Variants in SDK1 observed in about 807,000 individuals in gnomAD.
The protein encoded by SDK1 is sidekick cell adhesion molecule 1.
SDK1 carries 157 observed loss-of-function variants against 245.5 expected under a neutral mutation model. The ratio of observed to expected loss-of-function variants is 0.64; its 90% CI spans 0.56 to 0.73. SDK1 has a LOEUF of 0.73. Ranked by LOEUF, SDK1 falls within the 30% of genes least tolerant of loss-of-function variation. The probability of loss-of-function intolerance (pLI) is 0.00; values close to 1 mark genes in which losing one functional copy is unlikely to be tolerated. For synonymous variants in SDK1, 1,647 were observed against 1,278.5 expected (o/e 1.29, Z -6.15); for missense variants, 3,583 against 3,002.3 (o/e 1.19, Z -4.52).
At chr7:3,565,789 A>G (rs546112553) in intron 1 of SDK1, among the ~76,000 whole-genome samples, 1 of 152,206 alleles carries the variant, frequency 6.6e-6, no homozygotes, top group African/African-American at 2.4e-5. Flanking sequence ...AGTAGTTGTT[A>G]TATTGTTCAG....
chr7:3,861,325 G>T (rs1265144796), intron 5 of SDK1, among the ~76,000 whole-genome samples: 1 of 152,214 alleles, frequency 6.6e-6, no homozygotes, highest in Non-Finnish European at 1.5e-5. Flanking sequence ...AGTCATCTAT[G>T]TATTTGTTTA....
At chr7:4,037,160 C>G (rs1452364040) in intron 17 of SDK1, among the ~76,000 whole-genome samples, 2 of 152,212 alleles carry the variant, frequency 1.3e-5, no homozygotes, top group Non-Finnish European at 2.9e-5. Context: ...TTAAACGTTT[C>G]TGCTTTTGAA....
chr7:3,654,232 A>C (rs1013241510), intron 4 of SDK1, among the ~76,000 whole-genome samples: 2 of 152,132 alleles, frequency 1.3e-5, no homozygotes, highest in Admixed American at 1.3e-4. Context: ...TGTTGTTCTC[A>C]CCACATCCAG....
chr7:3,311,675 G>A (rs1034112535), intron 1 of SDK1, among the ~76,000 whole-genome samples: 1 of 152,138 alleles, frequency 6.6e-6, no homozygotes, highest in Non-Finnish European at 1.5e-5. Flanking sequence ...GCGACTCGTG[G>A]AGGCTTCTAG....
intron 1 of SDK1, among the ~76,000 whole-genome samples, chr7:3,616,364 C>T (rs1009896311): frequency 6.6e-6 from 1 of 152,244 alleles, no homozygotes; most frequent in East Asian, 1.9e-4. Context: ...ACGTGTGGCC[C>T]TGCCTGCAAG....
intron 28 of SDK1, among the ~76,000 whole-genome samples, chr7:4,135,123 C>T (rs200627162): frequency 5.3e-5 from 8 of 152,336 alleles, no homozygotes; most frequent in South Asian, 4.1e-4. Context: ...TATCATCTGT[C>T]GTTTACTTTC....
chr7:3,400,131 C>T lies in SDK1; in HGVS notation c.298+98247C>T, dbSNP rs551364555. 4.0e-5 allele frequency among the ~76,000 whole-genome samples: 6 copies of T among 151,732 alleles called. No individual in the cohort carries two copies. In the South Asian group the frequency reaches 1.2e-3, roughly 32 times the overall value. ...CTGGGTCTGCTCCCTCTGGTGGCTA[C>T]AGGACTACACATTTTCACATTGTTA... On this transcript the variant is annotated intron_variant, in intron 1 of 44. Transcript: ENST00000404826.
chr7:3,528,782 AT>A (rs1783240191), intron 1 of SDK1, among the ~76,000 whole-genome samples: 1 of 151,996 alleles, frequency 6.6e-6, no homozygotes, highest in Non-Finnish European at 1.5e-5. Flanking sequence ...GCCCTGAGCA[AT>A]GGGGTGAATT....
At chr7:3,537,527 G>T (rs1778922736) in intron 1 of SDK1, among the ~76,000 whole-genome samples, 1 of 152,126 alleles carries the variant, frequency 6.6e-6, no homozygotes, top group African/African-American at 2.4e-5. Flanking sequence ...CTCATATATG[G>T]ATTCTCCATT....
rs541881681 is a variant in SDK1, at chr7:4,109,899, C to G, written c.3325-764C>G. ...AGGGAGATGGTGTGGAGCTCCCAGA[C>G]AGGGAGTAAAATTAGCACGAGACAG... On this transcript the variant is annotated intron_variant, in intron 22 of 44. Coordinates refer to ENST00000404826, the MANE Select transcript of SDK1 (RefSeq NM_152744.4). Among the ~76,000 whole-genome samples the G allele has an allele frequency of 2.5e-3, 385 of 152,146 alleles. 2 individuals carry two copies. The highest frequency in any genetic ancestry group is 4.4e-3 in the South Asian group (21 of 4,820).
At chr7:4,260,838 A>G (rs28524994) in intron 44 of SDK1, among the ~76,000 whole-genome samples, 40,586 of 84,142 alleles carry the variant, frequency 0.48, 7,110 homozygotes, top group African/African-American at 0.58. Context: ...GGGTCTCTGC[A>G]TGTGTGGGAG....
intron 1 of SDK1, among the ~76,000 whole-genome samples, chr7:3,354,914 C>A (rs1253479548): frequency 1.3e-5 from 2 of 152,188 alleles, no homozygotes; most frequent in Non-Finnish European, 2.9e-5. Flanking sequence ...ACAATAGATG[C>A]TTAAAATAAT....
At chr7:3,557,199 A>C (rs1194615065) in intron 1 of SDK1, among the ~76,000 whole-genome samples, 3 of 152,254 alleles carry the variant, frequency 2.0e-5, no homozygotes, top group East Asian at 3.9e-4. Flanking sequence ...AAAATTGATA[A>C]ATCTGTAACA....
At chr7:3,638,457 A>G (rs575824537) in intron 2 of SDK1, among the ~76,000 whole-genome samples, 4 of 151,944 alleles carry the variant, frequency 2.6e-5, no homozygotes, top group Admixed American at 1.3e-4. Flanking sequence ...TGCAGCCATA[A>G]AAAATGATGA....
chr7:3,338,231 AAG>A (rs1358279106), intron 1 of SDK1: 1 of 301,862 alleles, frequency 3.3e-6, no homozygotes, highest in Non-Finnish European at 6.3e-6. Context: ...ATCTATAAGA[AAG>A]ATGATATTGG....
chr7:3,627,202 T>C (rs951433724), intron 2 of SDK1, among the ~76,000 whole-genome samples: 5 of 152,200 alleles, frequency 3.3e-5, no homozygotes, highest in African/African-American at 4.8e-5. Flanking sequence ...GTGCTGAGAT[T>C]ACAGGCGTGA....
intron 1 of SDK1, among the ~76,000 whole-genome samples, chr7:3,531,663 G>C (rs1783351369): frequency 6.6e-6 from 1 of 152,100 alleles, no homozygotes; most frequent in South Asian, 2.1e-4. Flanking sequence ...ATTAGTGTAG[G>C]TTATTGATTC....
intron 40 of SDK1, among the ~76,000 whole-genome samples, chr7:4,231,682 A>G (rs1458428531): frequency 6.6e-6 from 1 of 152,102 alleles, no homozygotes; most frequent in African/African-American, 2.4e-5. Context: ...CGGTGGAGAG[A>G]TTTGTACCTT....
chr7:3,755,289 G>A (rs758714412), intron 4 of SDK1, among the ~76,000 whole-genome samples: 1 of 152,144 alleles, frequency 6.6e-6, no homozygotes, highest in East Asian at 1.9e-4. Flanking sequence ...GTTGGAAAGG[G>A]TTGGGGAGCG....
Sources: allele counts gnomAD v4.1 joint callset (sites outside exome capture counted in the v4.1 genomes callset), GRCh38; gene constraint gnomAD v4.1.1; transcripts MANE v1.5; gene names NCBI Gene and HGNC (gene_info 2026-07-23, HGNC 2026-07-21).